TRPM1: variants seen among roughly 807,000 people sequenced by gnomAD.
TRPM1 encodes the protein TRPM1-203 APA Isoform, Intron 10.
In TRPM1, 113 loss-of-function variants were observed where a neutral mutation model predicts 149.4. That is an observed-to-expected ratio of 0.76 (90% CI 0.65 to 0.88). The LOEUF (loss-of-function observed/expected upper bound fraction) is 0.88, where lower values mean the gene tolerates loss of function less well. Among genes scored for constraint, TRPM1 ranks in the 40% least tolerant of loss-of-function variants. The pLI is 0.00. For synonymous variants in TRPM1, 741 were observed against 759.5 expected (o/e 0.98, Z 0.40); for missense variants, 1,976 against 2,038.7 (o/e 0.97, Z 0.59).
chr15:31,118,234 G>T (rs947523811), intron 1 of TRPM1, among the ~76,000 whole-genome samples: 1 of 152,032 alleles, frequency 6.6e-6, no homozygotes, highest in Non-Finnish European at 1.5e-5. Flanking sequence ...CTCCAGCCTG[G>T]GTGACAGAGC....
intron 1 of TRPM1, among the ~76,000 whole-genome samples, chr15:31,158,549 C>T (rs2036405900): frequency 6.6e-6 from 1 of 151,220 alleles, no homozygotes; most frequent in Non-Finnish European, 1.5e-5. Flanking sequence ...ATCGCTTGAA[C>T]CCGGGAGGTG....
intron 4 of TRPM1, chr15:31,069,680 A>G (rs2034477351): frequency 7.1e-7 from 1 of 1,416,322 alleles, no homozygotes; most frequent in Non-Finnish European, 9.2e-7. Context: ...CTCTCAACAC[A>G]TCTAAGGGGG....
intron 14 of TRPM1, 41 bp from the exon 15 acceptor site, chr15:31,047,292 T>C: frequency 6.2e-7 from 1 of 1,613,690 alleles, no homozygotes; most frequent in Non-Finnish European, 8.5e-7. Flanking sequence ...GAGAATGCGT[T>C]CGCAGTGTGG....
chr15:31,088,726 G>C (rs933032999), intron 1 of TRPM1, among the ~76,000 whole-genome samples: 2 of 152,052 alleles, frequency 1.3e-5, no homozygotes, highest in African/African-American at 2.4e-5. Flanking sequence ...ATTGACTGAA[G>C]CGGCGGTATT....
chr15:31,069,355 T>C (rs2034467803), intron 4 of TRPM1: 6 of 915,996 alleles, frequency 6.6e-6, no homozygotes, highest in African/African-American at 5.4e-5. Context: ...GGCTAATATG[T>C]AGGGTGCCAT....
At chr15:31,035,005 T>A (rs950006129) in intron 21 of TRPM1, among the ~76,000 whole-genome samples, 1 of 152,212 alleles carries the variant, frequency 6.6e-6, no homozygotes, top group Non-Finnish European at 1.5e-5. Context: ...TGTAATTTGT[T>A]TTTTTGTTTT....
intron 27 of TRPM1, among the ~76,000 whole-genome samples, chr15:31,023,921 T>C (rs1033988424): frequency 1.3e-5 from 2 of 152,206 alleles, no homozygotes; most frequent in African/African-American, 2.4e-5. Context: ...TAGCATTTTA[T>C]AGGTAAATTT....
intron 1 of TRPM1, among the ~76,000 whole-genome samples, chr15:31,141,948 G>C (rs567628887): frequency 1.3e-4 from 20 of 152,168 alleles, no homozygotes; most frequent in Non-Finnish European, 2.4e-4. Flanking sequence ...AGACTGGGTA[G>C]AGTGGCTCAC....
intron 1 of TRPM1, among the ~76,000 whole-genome samples, chr15:31,092,112 T>A (rs1307409694): frequency 1.4e-4 from 1 of 7,104 alleles, no homozygotes; most frequent in Non-Finnish European, 2.6e-4. Context: ...TCTTGAGGGG[T>A]GGGGTGGGGT....
chr15:31,086,999 G>C (rs554017885), intron 1 of TRPM1, among the ~76,000 whole-genome samples: 1 of 152,058 alleles, frequency 6.6e-6, no homozygotes, highest in Non-Finnish European at 1.5e-5. Context: ...CTTAACTAGG[G>C]AACTAAAAAT....
intron 11 of TRPM1, among the ~76,000 whole-genome samples, 167 bp from the exon 12 acceptor site, chr15:31,050,749 T>C (rs1340094134): frequency 3.9e-5 from 6 of 152,116 alleles, no homozygotes; most frequent in Non-Finnish European, 7.4e-5. Flanking sequence ...CACACATATG[T>C]ACAGGTGCAC....
At chr15:31,160,067 C>A (rs568015376) in intron 1 of TRPM1, among the ~76,000 whole-genome samples, 11 of 152,152 alleles carry the variant, frequency 7.2e-5, no homozygotes, top group Non-Finnish European at 1.5e-4. Flanking sequence ...AAGCAGAGAT[C>A]CCCACTGAGC....
upstream of TRPM1, among the ~76,000 whole-genome samples, chr15:31,102,153 G>C (rs1397802493): frequency 6.6e-6 from 1 of 152,198 alleles, no homozygotes; most frequent in Admixed American, 6.5e-5. Context: ...TCTAAGTTGG[G>C]CCTGAGGTCA....
intron 9 of TRPM1, among the ~76,000 whole-genome samples, chr15:31,062,118 A>C (rs893328915): frequency 6.6e-6 from 1 of 152,242 alleles, no homozygotes; most frequent in Non-Finnish European, 1.5e-5. Flanking sequence ...TCGGAGATGC[A>C]AAGTCGTATC....
rs751640802 is a variant in TRPM1 at position 31,001,909 on chromosome 15, A to C, written c.4791T>G (p.Ser1597Arg). 2 of 1,614,016 alleles carry C rather than the reference A, an allele frequency of 1.2e-6. No homozygotes were observed. The highest frequency in any genetic ancestry group is 1.6e-4 in the Middle Eastern group (1 of 6,084). Reference sequence around the variant, plus strand: ...CAGACACAATTACTAAGCTGCTTACACTACTGGCATGTCCAGATCTGTCTA... The same window carrying C: ...CAGACACAATTACTAAGCTGCTTACCCTACTGGCATGTCCAGATCTGTCTA... Reference protein sequence around the residue: ...GKLDRSGHASSVSSLVIVSGM... With the variant: ...GKLDRSGHASRVSSLVIVSGM... The change falls in exon 28 of 28, where the codon AGT (serine) becomes AGG (arginine). Residue 1597 changes from serine to arginine, a missense_variant. Physicochemically the swap from Ser to Arg is moderately radical, Grantham distance 110 (BLOSUM62 -1). Coordinates refer to ENST00000256552, the MANE Select transcript of TRPM1 (RefSeq NM_001252024.2).
At chr15:31,022,864 TAAAAAAAA>T (rs2032595370) in intron 27 of TRPM1, among the ~76,000 whole-genome samples, 1 of 151,806 alleles carries the variant, frequency 6.6e-6, no homozygotes, top group Non-Finnish European at 1.5e-5. Flanking sequence ...AAATAAAAAA[TAAAAAAAA>T]TTAGCTGGGC....
At chr15:31,154,532 C>T (rs1417624213) in intron 1 of TRPM1, among the ~76,000 whole-genome samples, 3 of 152,186 alleles carry the variant, frequency 2.0e-5, no homozygotes, top group African/African-American at 2.4e-5. Flanking sequence ...CATTCCTGGG[C>T]GCAGGCTGAA....
intron 1 of TRPM1, among the ~76,000 whole-genome samples, chr15:31,113,123 G>C (rs758158845): frequency 6.6e-6 from 1 of 152,116 alleles, no homozygotes; most frequent in African/African-American, 2.4e-5. Flanking sequence ...AGGTAGCTAA[G>C]ATCACCTCTC....
chr15:31,136,113 A>G (rs920067414), intron 1 of TRPM1, among the ~76,000 whole-genome samples: 1 of 145,194 alleles, frequency 6.9e-6, no homozygotes, highest in Non-Finnish European at 1.5e-5. Context: ...AGGCGTGGCC[A>G]TGGTCATGTT....
Sources: gnomAD v4.1 joint callset for allele counts (sites outside exome capture counted in the v4.1 genomes callset) on GRCh38, gnomAD v4.1.1 for gene constraint, MANE v1.5 for transcripts, NCBI Gene and HGNC (gene_info 2026-07-23, HGNC 2026-07-21) for gene names.